The following ANKFN1 variants were observed in gnomAD, a reference collection of about 807,000 sequenced individuals.
The protein encoded by ANKFN1 is ankyrin repeat and fibronectin type-III domain-containing protein 1.
Under a neutral mutation model 108.7 loss-of-function variants are expected in ANKFN1, and 74 were observed. The observed-to-expected ratio is 0.68, with a 90% CI of 0.56 to 0.83. ANKFN1 has a LOEUF of 0.83. Ranked by LOEUF, ANKFN1 falls within the 40% of genes least tolerant of loss-of-function variation. ANKFN1 has a pLI of 0.00. For missense variants in ANKFN1, 1,505 were observed against 1,382.3 expected, an observed-to-expected ratio of 1.09 and a Z score of -1.41; for synonymous variants, 547 against 516.2, an observed-to-expected ratio of 1.06 and a Z score of -0.81.
At chr17:56,117,152 A>G (rs1906331742) in intron 4 of ANKFN1, among the ~76,000 whole-genome samples, 1 of 152,134 alleles carries the variant, frequency 6.6e-6, no homozygotes, top group South Asian at 2.1e-4. Context: ...TGCCTTTATT[A>G]AATCCATAAG....
chr17:56,141,674 T>G (rs985596610), intron 4 of ANKFN1, among the ~76,000 whole-genome samples: 2 of 151,770 alleles, frequency 1.3e-5, no homozygotes, highest in African/African-American at 2.4e-5. Flanking sequence ...AGGGTGTGTG[T>G]GGGGGGTGGG....
chr17:56,305,714 C>T lies in ANKFN1; in HGVS notation c.54-20507C>T, dbSNP rs2044802052. Among the ~76,000 whole-genome samples, 4 of 152,158 alleles carry T rather than the reference C, an allele frequency of 2.6e-5. No homozygotes were observed. The South Asian group carries it at 8.3e-4, about 32-fold the overall frequency. ...TTGGTGCCAAGTTTTAAAACTCTTC[C>T]TAGTACTAGACCCTGAAGATATTTT... On this transcript the variant is annotated intron_variant, in intron 3 of 20. Coordinates refer to ENST00000682825, the MANE Select transcript of ANKFN1 (RefSeq NM_001370326.1).
At chr17:56,079,976 C>T (rs553501938) in intron 4 of ANKFN1, among the ~76,000 whole-genome samples, 1 of 152,042 alleles carries the variant, frequency 6.6e-6, no homozygotes. Context: ...AGGAAAGGAA[C>T]AGTTGGGCAA....
intron 3 of ANKFN1, among the ~76,000 whole-genome samples, chr17:56,281,156 C>A (rs1268616266): frequency 1.3e-5 from 2 of 152,066 alleles, no homozygotes; most frequent in African/African-American, 4.8e-5. Context: ...AATACAGAGG[C>A]CTCAAGACTA....
At chr17:56,489,607 G>T (rs186197845) in intron 18 of ANKFN1, among the ~76,000 whole-genome samples, 1 of 152,136 alleles carries the variant, frequency 6.6e-6, no homozygotes, top group Admixed American at 6.6e-5. Flanking sequence ...ACAAGAGAAA[G>T]CTGTGAACAC....
At chr17:56,095,684 T>G (rs1905520910) in intron 4 of ANKFN1, among the ~76,000 whole-genome samples, 1 of 152,150 alleles carries the variant, frequency 6.6e-6, no homozygotes. Flanking sequence ...CTGGGGGAAG[T>G]GCTTATGCCC....
At chr17:56,113,955 C>T (rs114211881) in intron 4 of ANKFN1, among the ~76,000 whole-genome samples, 9 of 151,998 alleles carry the variant, frequency 5.9e-5, no homozygotes, top group Non-Finnish European at 8.8e-5. Context: ...ACTAATTGGA[C>T]GTCAGAACAG....
At chr17:56,166,924 C>A (rs1910173650) in intron 1 of ANKFN1, among the ~76,000 whole-genome samples, 1 of 152,082 alleles carries the variant, frequency 6.6e-6, no homozygotes, top group Non-Finnish European at 1.5e-5. Flanking sequence ...AAGTCCAGTT[C>A]TTCCCATTAG....
chr17:56,127,928 A>G (rs1414899109), intron 4 of ANKFN1, among the ~76,000 whole-genome samples: 3 of 152,186 alleles, frequency 2.0e-5, no homozygotes, highest in East Asian at 3.9e-4. Context: ...TTTCCTTTCA[A>G]TGAGTCTCTC....
intron 4 of ANKFN1, among the ~76,000 whole-genome samples, chr17:56,136,807 A>G (rs4548936): frequency 0.34 from 52,068 of 152,086 alleles, 9,674 homozygotes; most frequent in East Asian, 0.53. Context: ...TGATAAATGA[A>G]CCATTATAAA....
chr17:56,386,491 A>G (rs2047274491), intron 8 of ANKFN1, among the ~76,000 whole-genome samples: 1 of 151,828 alleles, frequency 6.6e-6, no homozygotes, highest in Non-Finnish European at 1.5e-5. Flanking sequence ...ATAAAATAAA[A>G]AAGAAAAAAA....
chr17:56,108,618 C>A (rs1466728303), intron 4 of ANKFN1, among the ~76,000 whole-genome samples: 3 of 152,164 alleles, frequency 2.0e-5, no homozygotes, highest in Non-Finnish European at 2.9e-5. Context: ...ATATATAACG[C>A]AGCTAGTACA....
chr17:56,456,323 C>T (rs1475871719), intron 11 of ANKFN1, among the ~76,000 whole-genome samples: 1 of 151,576 alleles, frequency 6.6e-6, no homozygotes, highest in Non-Finnish European at 1.5e-5. Context: ...ATAAAGACTA[C>T]TTATCTCCAG....
intron 8 of ANKFN1, among the ~76,000 whole-genome samples, chr17:56,424,853 G>A (rs1402813406): frequency 6.6e-6 from 1 of 152,112 alleles, no homozygotes; most frequent in African/African-American, 2.4e-5. Context: ...AAGGATGAAA[G>A]CATCCCCAAA....
Position 56,326,317 on chromosome 17 carries a change from A to G in ANKFN1, c.150A>G (p.Pro50=), listed in dbSNP as rs370303832. 5 of 1,613,954 alleles carry G rather than the reference A, an allele frequency of 3.1e-6. No individual in the cohort carries two copies. The highest frequency in any genetic ancestry group is 4.2e-6 in the Non-Finnish European group (5 of 1,179,870). ...DLLNESTGQL[P]TTCSSAASNS... is the part of the protein sequence containing the mutation. Reference sequence around the variant, plus strand: ...TGAATGAAAGCACTGGACAATTACCAACAACTTGTTCCTCTGCTGCCTCGA... The same window carrying G: ...TGAATGAAAGCACTGGACAATTACCGACAACTTGTTCCTCTGCTGCCTCGA... The change falls in exon 4 of 21, where the codon CCA becomes CCG. Residue 50 remains proline, a synonymous_variant. Transcript: ENST00000682825.
intron 1 of ANKFN1, among the ~76,000 whole-genome samples, chr17:56,176,313 G>T (rs1911150382): frequency 6.6e-6 from 1 of 152,154 alleles, no homozygotes; most frequent in Non-Finnish European, 1.5e-5. Flanking sequence ...AAAACCCCTG[G>T]TAAGGAATTT....
chr17:56,099,448 C>T (rs539348615), intron 4 of ANKFN1, among the ~76,000 whole-genome samples: 6 of 152,234 alleles, frequency 3.9e-5, no homozygotes, highest in African/African-American at 1.4e-4. Context: ...ATCATGCTTC[C>T]ACCATTCTTC....
chr17:56,320,092 G>A (rs1005207), intron 3 of ANKFN1, among the ~76,000 whole-genome samples: 66,726 of 151,990 alleles, frequency 0.44, 17,111 homozygotes, highest in African/African-American at 0.72. Flanking sequence ...TAAAAAGTGG[G>A]TAATCCTACT....
intron 1 of ANKFN1, among the ~76,000 whole-genome samples, chr17:56,168,690 C>T (rs772322095): frequency 6.6e-6 from 1 of 152,100 alleles, no homozygotes; most frequent in Admixed American, 6.5e-5. Context: ...CGTTTGTTTT[C>T]ACAAACGCTT....
Sources: allele counts gnomAD v4.1 joint callset (sites outside exome capture counted in the v4.1 genomes callset), GRCh38; gene constraint gnomAD v4.1.1; transcripts MANE v1.5; gene names NCBI Gene and HGNC (gene_info 2026-07-23, HGNC 2026-07-21).